The following SH3RF3 variants were observed in gnomAD, a reference collection of about 807,000 sequenced individuals.
SH3RF3 encodes the protein E3 ubiquitin-protein ligase SH3RF3.
In SH3RF3, 29 loss-of-function variants were observed where a neutral mutation model predicts 66.3. The observed-to-expected ratio is 0.44, with a 90% CI of 0.33 to 0.60. SH3RF3 has a LOEUF of 0.60. Ranked by LOEUF, SH3RF3 falls within the 20% of genes least tolerant of loss-of-function variation. The pLI, the probability that SH3RF3 is intolerant of heterozygous loss-of-function variation, is 0.04. For missense variants in SH3RF3, 1,194 were observed against 1,190.9 expected (o/e 1.00, Z -0.04); for synonymous variants, 583 against 532.0 (o/e 1.10, Z -1.32).
At chr2:109,433,481 C>T (rs893479571) in intron 6 of SH3RF3, among the ~76,000 whole-genome samples, 3 of 152,340 alleles carry the variant, frequency 2.0e-5, no homozygotes, top group Non-Finnish European at 2.9e-5. Context: ...CAGTCAGCCT[C>T]ACTCACAGAA....
intron 8 of SH3RF3, among the ~76,000 whole-genome samples, chr2:109,474,551 G>A (rs140930487): frequency 1.5e-4 from 23 of 152,318 alleles, no homozygotes; most frequent in Middle Eastern, 3.4e-3. Context: ...AGTCCGAACC[G>A]CACGGGGCTT....
At chr2:109,213,548 G>T (rs1679040850) in intron 1 of SH3RF3, among the ~76,000 whole-genome samples, 1 of 152,166 alleles carries the variant, frequency 6.6e-6, no homozygotes, top group South Asian at 2.1e-4. Context: ...ACCTAACAGG[G>T]GGCTGGGCTC....
At chr2:109,181,889 C>T (rs1436094102) in intron 1 of SH3RF3, among the ~76,000 whole-genome samples, 3 of 151,992 alleles carry the variant, frequency 2.0e-5, no homozygotes, top group African/African-American at 7.3e-5. Context: ...TTAGTATATT[C>T]TCTGGTTTTC....
intron 1 of SH3RF3, among the ~76,000 whole-genome samples, chr2:109,177,094 T>C (rs1376227540): frequency 6.6e-6 from 1 of 152,202 alleles, no homozygotes; most frequent in Non-Finnish European, 1.5e-5. Context: ...CAATAAGCTC[T>C]GTTTACTGGG....
chr2:109,364,778 G>C (rs1178764925), intron 2 of SH3RF3, among the ~76,000 whole-genome samples: 1 of 152,178 alleles, frequency 6.6e-6, no homozygotes, highest in Admixed American at 6.5e-5. Context: ...CTTGCCCCCA[G>C]TAGGTAAGGC....
In SH3RF3 at chr2:109,501,914, T is replaced by C. The variant is rs1157788464; in HGVS notation, c.*243T>C. The C allele has an allele frequency of 1.1e-5, 5 of 475,748 alleles. No individual in the cohort carries two copies. The highest frequency in any genetic ancestry group is 1.9e-5 in the Non-Finnish European group (5 of 264,600). 29.5% of individuals were successfully genotyped at this position (475,748 alleles called of 1,614,324 possible). ...AAATGCCCACCCCCTCTGTGGAAAC[T>C]GCAAAGAAAGCACCTTGAGGAAGAG... On this transcript the variant is annotated 3_prime_UTR_variant, in exon 10 of 10. Transcript: ENST00000309415.
At chr2:109,171,479 A>G (rs984394759) in intron 1 of SH3RF3, among the ~76,000 whole-genome samples, 1 of 152,136 alleles carries the variant, frequency 6.6e-6, no homozygotes, top group South Asian at 2.1e-4. Context: ...TTGCCCCCCT[A>G]CCCCGACCCC....
chr2:109,212,579 G>T (rs1287089119), intron 1 of SH3RF3, among the ~76,000 whole-genome samples: 2 of 152,204 alleles, frequency 1.3e-5, no homozygotes, highest in South Asian at 4.1e-4. Context: ...TTGAGGAGAA[G>T]TCGGCTGACC....
At chr2:109,298,405 G>A (rs958777738) in intron 1 of SH3RF3, among the ~76,000 whole-genome samples, 3 of 152,126 alleles carry the variant, frequency 2.0e-5, no homozygotes, top group African/African-American at 7.2e-5. Context: ...AGTGATGGCT[G>A]CCCTAGTTCC....
intron 1 of SH3RF3, among the ~76,000 whole-genome samples, chr2:109,173,109 G>T (rs1232787054): frequency 6.6e-6 from 1 of 152,180 alleles, no homozygotes; most frequent in Admixed American, 6.5e-5. Context: ...TTCAATAAAT[G>T]AACATCTTTT....
At chr2:109,203,408 G>A (rs897268292) in intron 1 of SH3RF3, among the ~76,000 whole-genome samples, 14 of 152,174 alleles carry the variant, frequency 9.2e-5, no homozygotes, top group Non-Finnish European at 1.2e-4. Context: ...GCGTCCCTAC[G>A]AGCGCATCAC....
Position 109,401,572 on chromosome 2 carries a change from C to T in SH3RF3, c.1299+2629C>T, listed in dbSNP as rs554175408. 4.6e-5 allele frequency among the ~76,000 whole-genome samples: 7 copies of T among 152,314 alleles called. No homozygotes were observed. The South Asian group carries it at 1.2e-3, about 27-fold the overall frequency. On this transcript the variant is annotated intron_variant, in intron 4 of 9. Coordinates refer to ENST00000309415, the MANE Select transcript of SH3RF3 (RefSeq NM_001099289.3). The stretch of plus-strand genomic sequence containing the variant: ...TGAGTAATATGTCCAAAGCTGCCCT[C>T]GGTGTTCCTTGGAGTTCTAAAAAAG...
chr2:109,236,882 CT>C (rs1300090569), intron 1 of SH3RF3, among the ~76,000 whole-genome samples: 1 of 152,186 alleles, frequency 6.6e-6, no homozygotes, highest in African/African-American at 2.4e-5. Flanking sequence ...GTGACCTGTA[CT>C]TACAGCTCAG....
chr2:109,237,670 GT>G (rs1558974259), intron 1 of SH3RF3, among the ~76,000 whole-genome samples: 1 of 152,132 alleles, frequency 6.6e-6, no homozygotes, highest in Non-Finnish European at 1.5e-5. Context: ...GCCCAAGACG[GT>G]TCTTCCAGTG....
At chr2:109,454,526 C>T (rs568070893) in intron 8 of SH3RF3, among the ~76,000 whole-genome samples, 7 of 152,296 alleles carry the variant, frequency 4.6e-5, no homozygotes, top group African/African-American at 9.6e-5. Context: ...AGAGCGCTCC[C>T]GCCGGCTGCC....
At chr2:109,219,711 A>G (rs556191943) in intron 1 of SH3RF3, among the ~76,000 whole-genome samples, 1 of 152,242 alleles carries the variant, frequency 6.6e-6, no homozygotes, top group Non-Finnish European at 1.5e-5. Context: ...AAAGAATAAA[A>G]TACTTGGGAA....
chr2:109,315,600 T>C (rs1681859706), intron 1 of SH3RF3, among the ~76,000 whole-genome samples: 1 of 152,238 alleles, frequency 6.6e-6, no homozygotes, highest in African/African-American at 2.4e-5. Context: ...TTTCAGAAAC[T>C]GTCAGTGATG....
rs193166694 is a variant in SH3RF3 at position 109,406,210 on chromosome 2, G to A, written c.1299+7267G>A. Among the ~76,000 whole-genome samples the A allele has an allele frequency of 6.9e-4, 105 of 152,308 alleles. No homozygotes were observed. The East Asian group carries it at 0.019, about 28-fold the overall frequency. On this transcript the variant is annotated intron_variant, in intron 4 of 9. Coordinates refer to ENST00000309415, the MANE Select transcript of SH3RF3 (RefSeq NM_001099289.3). ...ATTCACATGTCAGTGCTCTGCTGGGGGAGGGAGGTTAATCAGAGGAGAGGG... is the reference window on the plus strand; with the variant it reads ...ATTCACATGTCAGTGCTCTGCTGGGAGAGGGAGGTTAATCAGAGGAGAGGG...
rs1676637213 is a variant in SH3RF3 at position 109,129,699 on chromosome 2, C to T, written c.159C>T (p.Asp53=). Residue 53 remains aspartate, a synonymous_variant, in exon 1 of 10, where the codon GAC becomes GAT. Coordinates refer to ENST00000309415, the MANE Select transcript of SH3RF3 (RefSeq NM_001099289.3). The part of the protein sequence containing the change: ...GEDMDESSLL[D]LLECSVCLER... ...ACATGGACGAGTCGTCGCTGCTGGA[C>T]CTGCTGGAGTGCTCCGTGTGTCTGG... 1 of 1,531,982 alleles carries T rather than the reference C, an allele frequency of 6.5e-7. No individual in the cohort carries two copies. Among genetic ancestry groups the T allele is most frequent in the Non-Finnish European group, 8.7e-7 (1 of 1,143,464 alleles). The allele number at this position is 1,531,982 out of a possible 1,614,324, so 94.9% of individuals were successfully genotyped here.
Sources: gnomAD v4.1 joint callset for allele counts (sites outside exome capture counted in the v4.1 genomes callset) on GRCh38, gnomAD v4.1.1 for gene constraint, MANE v1.5 for transcripts, NCBI Gene and HGNC (gene_info 2026-07-23, HGNC 2026-07-21) for gene names.